The following ADK variants were observed in gnomAD, a reference collection of about 807,000 sequenced individuals.
ADK encodes adenosine kinase.
In ADK, 24 loss-of-function variants were observed where a neutral mutation model predicts 44.7. That is an observed-to-expected ratio of 0.54 (90% CI 0.39 to 0.76). ADK has a LOEUF of 0.76. Ranked by LOEUF, ADK falls within the 30% of genes least tolerant of loss-of-function variation. The pLI is 0.00. For synonymous variants in ADK, 128 were observed against 142.6 expected, an observed-to-expected ratio of 0.90 and a Z score of 0.73; for missense variants, 321 against 425.1, an observed-to-expected ratio of 0.76 and a Z score of 2.15.
intron 6 of ADK, among the ~76,000 whole-genome samples, chr10:74,455,557 T>C (rs1341317826): frequency 6.6e-6 from 1 of 152,068 alleles, no homozygotes; most frequent in African/African-American, 2.4e-5. Flanking sequence ...GTCACCAGGC[T>C]GAAGTGCAGT....
intron 5 of ADK, among the ~76,000 whole-genome samples, chr10:74,397,303 GT>G (rs557295872): frequency 1.8e-4 from 26 of 145,340 alleles, no homozygotes; most frequent in Admixed American, 2.8e-4. Context: ...GAGAATTGAG[GT>G]TTTTTTTTTT....
At chr10:74,169,518 T>G (rs1310029120) in intron 1 of ADK, among the ~76,000 whole-genome samples, 1 of 152,232 alleles carries the variant, frequency 6.6e-6, no homozygotes, top group African/African-American at 2.4e-5. Flanking sequence ...TTGCTAAGAA[T>G]TCTTACTAAA....
intron 2 of ADK, among the ~76,000 whole-genome samples, chr10:74,202,547 T>G (rs1843432247): frequency 6.6e-6 from 1 of 152,208 alleles, no homozygotes; most frequent in African/African-American, 2.4e-5. Flanking sequence ...CAAACTGTTT[T>G]CCAAAGCAGC....
chr10:74,341,424 G>A (rs2131875271), intron 4 of ADK, among the ~76,000 whole-genome samples: 1 of 151,614 alleles, frequency 6.6e-6, no homozygotes, highest in East Asian at 1.9e-4. Flanking sequence ...TACTCGGGAG[G>A]CTGAGGCAGG....
intron 6 of ADK, among the ~76,000 whole-genome samples, chr10:74,426,429 C>G (rs1844799925): frequency 6.6e-6 from 1 of 152,090 alleles, no homozygotes. Flanking sequence ...TTTATAAAAG[C>G]TATCTGTTTT....
chr10:74,353,279 C>T (rs1304940657), intron 4 of ADK, among the ~76,000 whole-genome samples: 3 of 152,018 alleles, frequency 2.0e-5, no homozygotes, highest in African/African-American at 7.3e-5. Flanking sequence ...AAGCTGGAAA[C>T]CATCATTTTT....
intron 6 of ADK, among the ~76,000 whole-genome samples, chr10:74,435,267 A>G (rs1422749982): frequency 6.6e-6 from 1 of 152,216 alleles, no homozygotes. Flanking sequence ...GGAAAAATAC[A>G]TTTACATTTA....
At chr10:74,697,328 C>T (rs1856243660) in intron 10 of ADK, among the ~76,000 whole-genome samples, 1 of 152,058 alleles carries the variant, frequency 6.6e-6, no homozygotes, top group Admixed American at 6.6e-5. Context: ...TGCTTGAGCC[C>T]AGGGGTTCAG....
chr10:74,677,714 A>G (rs1488513814), intron 10 of ADK, among the ~76,000 whole-genome samples: 1 of 152,076 alleles, frequency 6.6e-6, no homozygotes, highest in Admixed American at 6.5e-5. Context: ...AAACAACCCA[A>G]TGTCAACAAC....
intron 3 of ADK, among the ~76,000 whole-genome samples, chr10:74,241,853 T>C (rs372587818): frequency 5.9e-5 from 9 of 152,384 alleles, no homozygotes; most frequent in African/African-American, 2.2e-4. Context: ...TAGCTTGTGC[T>C]ACTGCTCCCA....
At chr10:74,706,601 A>G (rs1267801200) in intron 10 of ADK, among the ~76,000 whole-genome samples, 1 of 152,084 alleles carries the variant, frequency 6.6e-6, no homozygotes, top group African/African-American at 2.4e-5. Flanking sequence ...CCATTGATCT[A>G]TTTGTCTATA....
intron 9 of ADK, among the ~76,000 whole-genome samples, chr10:74,625,432 AC>A (rs1853155431): frequency 6.6e-6 from 1 of 152,102 alleles, no homozygotes; most frequent in Non-Finnish European, 1.5e-5. Flanking sequence ...GCTGGGCAAT[AC>A]ATTATTAAGT....
intron 2 of ADK, among the ~76,000 whole-genome samples, chr10:74,202,442 T>G (rs1429292245): frequency 6.6e-6 from 1 of 152,234 alleles, no homozygotes; most frequent in Non-Finnish European, 1.5e-5. Flanking sequence ...TAAGCTTTTG[T>G]GTAGGAATGT....
chr10:74,466,359 C>T (rs1313275887), intron 6 of ADK, among the ~76,000 whole-genome samples: 3 of 152,198 alleles, frequency 2.0e-5, no homozygotes, highest in African/African-American at 4.8e-5. Flanking sequence ...TATTTTGTTT[C>T]GATAGTTGAA....
intron 9 of ADK, among the ~76,000 whole-genome samples, chr10:74,628,914 C>A (rs952228601): frequency 2.6e-5 from 4 of 152,100 alleles, no homozygotes; most frequent in African/African-American, 9.7e-5. Flanking sequence ...GAATCTAGAC[C>A]AAAGCTCATT....
chr10:74,321,832 G>C (rs535366968), intron 4 of ADK, among the ~76,000 whole-genome samples: 1 of 151,964 alleles, frequency 6.6e-6, no homozygotes, highest in Non-Finnish European at 1.5e-5. Context: ...GTTCATAATT[G>C]TATTTTAAAG....
chr10:74,268,127 G>T lies in ADK; in HGVS notation c.194+43536G>T, dbSNP rs7085334. ...CACTTGAAGCCAGGAGTTTGAGACC[G>T]CTCTGGGCAGCATAATGAGATCCCA... On this transcript the variant is annotated intron_variant, in intron 3 of 10. Transcript: ENST00000539909. Among the ~76,000 whole-genome samples, 4 of 151,890 alleles carry T rather than the reference G, an allele frequency of 2.6e-5. No homozygotes were observed. The South Asian group carries it at 8.3e-4, about 32-fold the overall frequency.
At chr10:74,154,623 T>C (rs542589655) in intron 1 of ADK, among the ~76,000 whole-genome samples, 1 of 152,314 alleles carries the variant, frequency 6.6e-6, no homozygotes, top group Admixed American at 6.5e-5. Context: ...AGTGACTTTC[T>C]GACATTTCGA....
chr10:74,541,113 C>G (rs998117036), intron 7 of ADK, among the ~76,000 whole-genome samples: 2 of 152,134 alleles, frequency 1.3e-5, no homozygotes, highest in African/African-American at 4.8e-5. Context: ...CTTCCGGGTT[C>G]AAGCAATTCT....
Sources: allele counts gnomAD v4.1 joint callset (sites outside exome capture counted in the v4.1 genomes callset), GRCh38; gene constraint gnomAD v4.1.1; transcripts MANE v1.5; gene names NCBI Gene and HGNC (gene_info 2026-07-23, HGNC 2026-07-21).